SHC4: variants seen among roughly 807,000 people sequenced by gnomAD.
SHC4 encodes the protein SHC-transforming protein 4.
A neutral mutation model predicts 69.4 loss-of-function variants in SHC4; 41 were observed. The observed-to-expected ratio is 0.59, with a 90% confidence interval of 0.46 to 0.77. The LOEUF (loss-of-function observed/expected upper bound fraction) is 0.77, where lower values mean the gene tolerates loss of function less well. SHC4 is among the 30% of genes least tolerant of loss of function. The probability of loss-of-function intolerance (pLI) is 0.00; values close to 1 mark genes in which losing one functional copy is unlikely to be tolerated. For missense variants in SHC4, 777 were observed against 783.8 expected (o/e 0.99, Z 0.10); for synonymous variants, 318 against 299.3 (o/e 1.06, Z -0.64).
At chr15:48,931,220 A>G (rs1005822137) in intron 1 of SHC4, among the ~76,000 whole-genome samples, 4 of 152,178 alleles carry the variant, frequency 2.6e-5, no homozygotes, top group Non-Finnish European at 5.9e-5. Context: ...CTGACTGCAT[A>G]TTAGAATCAC....
chr15:48,898,116 A>G (rs1264340555), intron 2 of SHC4, among the ~76,000 whole-genome samples: 1 of 152,220 alleles, frequency 6.6e-6, no homozygotes, highest in Non-Finnish European at 1.5e-5. Context: ...GGAAACCAGT[A>G]CCATCTTTTT....
rs141512148 is a variant in SHC4 at position 48,826,108 on chromosome 15, C to T, written c.1756G>A (p.Val586Ile). The stretch of plus-strand genomic sequence containing the variant: ...ATAAGGTGGCCGACATTATCAAATA[C>T]ATGATCCTTGGTCCTCACCTTGAAA... ...PEGKVRTKDHVFDNVGHLIRY... is the reference protein window; with the variant it reads ...PEGKVRTKDHIFDNVGHLIRY... Residue 586 changes from valine to isoleucine, a missense_variant, in exon 12 of 12, where the codon GTA (valine) becomes ATA (isoleucine). Val to Ile is a conservative substitution (Grantham distance 29). Coordinates refer to ENST00000332408, the MANE Select transcript of SHC4 (RefSeq NM_203349.4). 56 of 1,612,888 alleles carry T rather than the reference C, an allele frequency of 3.5e-5. No individual in the cohort carries two copies. Among genetic ancestry groups the T allele is most frequent in the East Asian group, 3.3e-4 (15 of 44,858 alleles).
intron 1 of SHC4, among the ~76,000 whole-genome samples, chr15:48,958,020 T>G (rs981808698): frequency 6.6e-6 from 1 of 152,228 alleles, no homozygotes; most frequent in African/African-American, 2.4e-5. Context: ...AGAGACAGCG[T>G]GACTTGGCTG....
intron 1 of SHC4, among the ~76,000 whole-genome samples, chr15:48,934,455 T>C (rs1795386074): frequency 1.3e-5 from 2 of 152,040 alleles, no homozygotes; most frequent in African/African-American, 4.8e-5. Flanking sequence ...TAAATGTTGG[T>C]GAAGATGTGG....
chr15:48,877,638 T>TA (rs74381270), intron 4 of SHC4: 30,362 of 655,884 alleles, frequency 0.046, 38 homozygotes, highest in East Asian at 0.083. Flanking sequence ...TCACTATAAC[T>TA]AAAAAAAAAA....
chr15:48,945,361 C>T (rs4774532), intron 1 of SHC4, among the ~76,000 whole-genome samples: 31,577 of 151,604 alleles, frequency 0.21, 4,136 homozygotes, highest in Non-Finnish European at 0.29. Flanking sequence ...TCAGTATCCA[C>T]TTCTGGGTGT....
intron 6 of SHC4, among the ~76,000 whole-genome samples, chr15:48,864,657 C>T (rs771291570): frequency 1.3e-5 from 2 of 151,894 alleles, no homozygotes; most frequent in Non-Finnish European, 2.9e-5. Flanking sequence ...CCGTGTTAGC[C>T]AGGATGGTCT....
At chr15:48,855,758 T>C (rs1391072142) in intron 8 of SHC4, among the ~76,000 whole-genome samples, 195 bp downstream of exon 8, 2 of 152,112 alleles carry the variant, frequency 1.3e-5, no homozygotes, top group Non-Finnish European at 2.9e-5. Context: ...TGAGATCATC[T>C]GCTGAGGCTA....
rs1367960192 is a variant in SHC4, at chr15:48,954,767, C to T, written c.585+7664G>A. On this transcript the variant is annotated intron_variant, in intron 1 of 11. Transcript: ENST00000332408. ...CCAAGTTTAGTCTATCCTGAGTTTT[C>T]GGCCCAGAGGCACCCCCTAGGCTAT... 3.9e-5 allele frequency among the ~76,000 whole-genome samples: 6 copies of T among 152,260 alleles called. No individual in the cohort carries two copies. The East Asian group carries it at 5.8e-4, about 15-fold the overall frequency.
At chr15:48,955,968 A>T (rs1901446579) in intron 1 of SHC4, among the ~76,000 whole-genome samples, 1 of 152,100 alleles carries the variant, frequency 6.6e-6, no homozygotes, top group African/African-American at 2.4e-5. Context: ...GGACTCACTG[A>T]TCTCTAAGAC....
At chr15:48,833,127 T>C (rs79123037) in intron 11 of SHC4, among the ~76,000 whole-genome samples, 4,073 of 152,290 alleles carry the variant, frequency 0.027, 73 homozygotes, top group Middle Eastern at 0.071. Context: ...ATCTATGCAT[T>C]TGAAAAACAG....
At chr15:48,900,181 TC>T (rs1900297856) in intron 2 of SHC4, among the ~76,000 whole-genome samples, 1 of 152,162 alleles carries the variant, frequency 6.6e-6, no homozygotes, top group Non-Finnish European at 1.5e-5. Context: ...TCTCTTCTCC[TC>T]TCTGCCTCCC....
At chr15:48,851,748 G>T (rs549594047) in intron 8 of SHC4, among the ~76,000 whole-genome samples, 5 of 152,156 alleles carry the variant, frequency 3.3e-5, no homozygotes, top group East Asian at 1.9e-4. Flanking sequence ...AATATACTGT[G>T]GGGGAGGGAT....
At chr15:48,960,067 T>C (rs1486698263) in intron 1 of SHC4, among the ~76,000 whole-genome samples, 3 of 152,254 alleles carry the variant, frequency 2.0e-5, no homozygotes, top group African/African-American at 7.2e-5. Flanking sequence ...CATTAGCTTG[T>C]ATCGGACATC....
chr15:48,937,583 C>CCTAG (rs1491570316), intron 1 of SHC4, among the ~76,000 whole-genome samples: 6 of 147,808 alleles, frequency 4.1e-5, no homozygotes, highest in African/African-American at 1.5e-4. Flanking sequence ...CACACAGACA[C>CCTAG]ATAGATAGAT....
chr15:48,937,327 A>C (rs1402967307), intron 1 of SHC4, among the ~76,000 whole-genome samples: 3 of 151,936 alleles, frequency 2.0e-5, no homozygotes, highest in African/African-American at 7.3e-5. Context: ...CCTCCCAAAA[A>C]CCTGGGATTA....
chr15:48,937,751 G>T (rs1001119902), intron 1 of SHC4, among the ~76,000 whole-genome samples: 3 of 152,114 alleles, frequency 2.0e-5, no homozygotes, highest in Non-Finnish European at 2.9e-5. Flanking sequence ...ATAGTGACTT[G>T]ACAAAAGATT....
At position 48,855,963 on chromosome 15, in the gene SHC4, AACTTTTCAC is replaced by A; in HGVS notation, c.1223_1231del (p.Cys408_Lys410del). 6.2e-7 allele frequency: 1 copy of A among 1,609,410 alleles called. No individual in the cohort carries two copies. Among genetic ancestry groups the A allele is most frequent in the South Asian group, 1.1e-5 (1 of 89,912 alleles). ...TAAAACATTACATACCAAATAGCAC[AACTTTTCAC>A]ACTGTATGGGGCAGTAAGCCATTTG... is the stretch of plus-strand genomic sequence containing the variant. On this transcript the variant is annotated inframe_deletion, in exon 8 of 12. Transcript: ENST00000332408.
chr15:48,936,919 G>T (rs1901081815), intron 1 of SHC4, among the ~76,000 whole-genome samples: 1 of 152,160 alleles, frequency 6.6e-6, no homozygotes. Flanking sequence ...ACTAAGAGAG[G>T]TTTCATCTCT....
Sources: gnomAD v4.1 joint callset for allele counts (sites outside exome capture counted in the v4.1 genomes callset) on GRCh38, gnomAD v4.1.1 for gene constraint, MANE v1.5 for transcripts, NCBI Gene and HGNC (gene_info 2026-07-23, HGNC 2026-07-21) for gene names.